Variants in ADGRL3 observed in about 807,000 individuals in gnomAD.
ADGRL3 encodes adhesion G protein-coupled receptor L3, also known as calcium-independent alpha-latrotoxin receptor 3.
ADGRL3 carries 62 observed loss-of-function variants against 153.5 expected under a neutral mutation model. The ratio of observed to expected loss-of-function variants is 0.40; its 90% confidence interval spans 0.33 to 0.50. ADGRL3 has a LOEUF of 0.50. Among genes scored for constraint, ADGRL3 ranks in the 20% least tolerant of loss-of-function variants. The pLI, the probability that ADGRL3 is intolerant of heterozygous loss-of-function variation, is 0.47. For missense variants in ADGRL3, 1,641 were observed against 1,859.4 expected, an observed-to-expected ratio of 0.88 and a Z score of 2.16; for synonymous variants, 710 against 672.5, an observed-to-expected ratio of 1.06 and a Z score of -0.86.
chr4:62,025,307 C>T (rs1304724429), intron 21 of ADGRL3, among the ~76,000 whole-genome samples: 4 of 152,122 alleles, frequency 2.6e-5, no homozygotes, highest in South Asian at 4.1e-4. Flanking sequence ...ACATATCCCA[C>T]GTAAAACATT....
intron 16 of ADGRL3, 119 bp downstream of exon 16, chr4:61,947,241 T>A: frequency 1.2e-6 from 1 of 803,884 alleles, no homozygotes; most frequent in Non-Finnish European, 1.9e-6. Flanking sequence ...CAGTTCATTA[T>A]CTGTACAATG....
intron 5 of ADGRL3, among the ~76,000 whole-genome samples, chr4:61,675,442 A>C (rs2095153868): frequency 6.6e-6 from 1 of 151,982 alleles, no homozygotes; most frequent in Admixed American, 6.6e-5. Flanking sequence ...CTTAAGGATA[A>C]ATTTTTGAAT....
At chr4:61,691,976 G>A (rs2095547379) in intron 6 of ADGRL3, among the ~76,000 whole-genome samples, 1 of 152,096 alleles carries the variant, frequency 6.6e-6, no homozygotes, top group Admixed American at 6.6e-5. Context: ...TGACTTAGGA[G>A]ACGACAGCTC....
chr4:61,565,962 T>C (rs1484505148), intron 4 of ADGRL3, among the ~76,000 whole-genome samples: 1 of 152,194 alleles, frequency 6.6e-6, no homozygotes, highest in African/African-American at 2.4e-5. Context: ...AAGTTTTTCT[T>C]GGAATATATG....
intron 8 of ADGRL3, among the ~76,000 whole-genome samples, chr4:61,766,190 C>T (rs2096976852): frequency 6.6e-6 from 1 of 151,868 alleles, no homozygotes; most frequent in Non-Finnish European, 1.5e-5. Context: ...GAAGTCTGGG[C>T]CAGGAACAAC....
At chr4:61,334,669 T>C (rs1378321521) in intron 1 of ADGRL3, among the ~76,000 whole-genome samples, 2 of 152,066 alleles carry the variant, frequency 1.3e-5, no homozygotes, top group East Asian at 3.9e-4. Context: ...TCCAATTGGG[T>C]TTTACTATGT....
intron 1 of ADGRL3, among the ~76,000 whole-genome samples, chr4:61,300,800 C>G (rs892134656): frequency 7.1e-6 from 1 of 141,454 alleles, no homozygotes; most frequent in African/African-American, 2.6e-5. Flanking sequence ...GAGTCTCGCT[C>G]TGGCACCCAG....
chr4:61,594,997 T>C (rs1395521155), intron 5 of ADGRL3, among the ~76,000 whole-genome samples: 20 of 152,162 alleles, frequency 1.3e-4, no homozygotes, highest in African/African-American at 4.1e-4. Context: ...CAATGTTCAC[T>C]TAAAGCCCAA....
intron 1 of ADGRL3, among the ~76,000 whole-genome samples, chr4:61,236,402 C>CA (rs1347881549): frequency 6.6e-6 from 1 of 151,890 alleles, no homozygotes; most frequent in African/African-American, 2.4e-5. Flanking sequence ...CTTTGGTGAC[C>CA]ACCTTGGCCA....
chr4:61,401,143 T>G (rs2152113603), intron 2 of ADGRL3, among the ~76,000 whole-genome samples: 1 of 151,976 alleles, frequency 6.6e-6, no homozygotes, highest in South Asian at 2.1e-4. Flanking sequence ...TGATAATTTT[T>G]CATTTTGAAC....
At chr4:61,845,544 T>A (rs1422249238) in intron 9 of ADGRL3, among the ~76,000 whole-genome samples, 2 of 151,028 alleles carry the variant, frequency 1.3e-5, no homozygotes, top group Non-Finnish European at 3.0e-5. Flanking sequence ...TTTTTTTTTT[T>A]TGCAGAGACA....
In ADGRL3 at chr4:61,800,653, T is replaced by G. The variant is rs564994176; in HGVS notation, c.1400-13156T>G. On this transcript the variant is annotated intron_variant, in intron 8 of 26. Coordinates refer to ENST00000683033, the MANE Select transcript of ADGRL3 (RefSeq NM_001387552.1). ...TATTCTAGAAAATAACGGAAGATAC[T>G]TGTTAGACATTTCTGGTCTTTTTCT... Among the ~76,000 whole-genome samples the G allele has an allele frequency of 2.8e-4, 43 of 152,304 alleles. 1 individual carries two copies. The South Asian group carries it at 7.7e-3, about 27-fold the overall frequency.
At chr4:61,496,597 G>A (rs560478458) in intron 2 of ADGRL3, among the ~76,000 whole-genome samples, 1 of 151,766 alleles carries the variant, frequency 6.6e-6, no homozygotes, top group African/African-American at 2.4e-5. Flanking sequence ...AGCCGAGATC[G>A]TGCCATTGCA....
Position 61,821,373 on chromosome 4 carries a change from A to T in ADGRL3, c.1480+7484A>T, listed in dbSNP as rs575718296. ...TATTTATTTGTTTATTTATTTATTTATTTTTTGAGACAGAGTTTTGCTCTT... is the reference window on the plus strand; with the variant it reads ...TATTTATTTGTTTATTTATTTATTTTTTTTTTGAGACAGAGTTTTGCTCTT... On this transcript the variant is annotated intron_variant, in intron 9 of 26. Coordinates refer to ENST00000683033, the MANE Select transcript of ADGRL3 (RefSeq NM_001387552.1). Among the ~76,000 whole-genome samples, 29 of 150,496 alleles carry T rather than the reference A, an allele frequency of 1.9e-4. No individual in the cohort carries two copies. The South Asian group carries it at 5.5e-3, about 28-fold the overall frequency.
intron 25 of ADGRL3, among the ~76,000 whole-genome samples, chr4:62,055,964 A>G (rs1006838589): frequency 6.6e-6 from 1 of 151,640 alleles, no homozygotes; most frequent in Non-Finnish European, 1.5e-5. Flanking sequence ...AAAGTAATTG[A>G]ATATTATCAA....
At chr4:62,026,006 A>T (rs1718335391) in intron 21 of ADGRL3, among the ~76,000 whole-genome samples, 1 of 152,194 alleles carries the variant, frequency 6.6e-6, no homozygotes, top group Non-Finnish European at 1.5e-5. Context: ...AAACTAGATT[A>T]TCTAGGCCAG....
At chr4:62,030,873 C>T (rs182105791) in intron 22 of ADGRL3, among the ~76,000 whole-genome samples, 214 of 151,584 alleles carry the variant, frequency 1.4e-3, no homozygotes, top group African/African-American at 4.8e-3. Context: ...CTATCCCTCA[C>T]GCTTAGTCTT....
chr4:61,414,063 A>G (rs2097119596), intron 2 of ADGRL3, among the ~76,000 whole-genome samples: 1 of 152,218 alleles, frequency 6.6e-6, no homozygotes, highest in African/African-American at 2.4e-5. Context: ...TTATTGAATT[A>G]AACAACACTG....
intron 19 of ADGRL3, among the ~76,000 whole-genome samples, chr4:61,993,613 G>C (rs2099111533): frequency 6.6e-6 from 1 of 151,904 alleles, no homozygotes; most frequent in Admixed American, 6.6e-5. Flanking sequence ...TCTACCCTGA[G>C]GGAAAATACA....
Sources: allele counts gnomAD v4.1 joint callset (sites outside exome capture counted in the v4.1 genomes callset), GRCh38; gene constraint gnomAD v4.1.1; transcripts MANE v1.5; gene names NCBI Gene and HGNC (gene_info 2026-07-23, HGNC 2026-07-21).